EPB41L4A: variants seen among roughly 807,000 people sequenced by gnomAD.
The protein encoded by EPB41L4A is band 4.1-like protein 4A.
Under a neutral mutation model 108.6 loss-of-function variants are expected in EPB41L4A, and 100 were observed. The ratio of observed to expected loss-of-function variants is 0.92; its 90% CI spans 0.78 to 1.09. The LOEUF is 1.09. Ranked by LOEUF, EPB41L4A falls within the 50% of genes least tolerant of loss-of-function variation. EPB41L4A has a pLI of 0.00. For synonymous variants in EPB41L4A, 319 were observed against 289.0 expected (o/e 1.10, Z -1.05); for missense variants, 1,030 against 842.7 (o/e 1.22, Z -2.75).
intron 12 of EPB41L4A, among the ~76,000 whole-genome samples, chr5:112,213,728 AG>A (rs1390440791): frequency 3.3e-5 from 5 of 152,186 alleles, no homozygotes; most frequent in African/African-American, 1.2e-4. Flanking sequence ...AATGTGAACT[AG>A]ACAAGCCTGG....
chr5:112,212,280 C>A (rs1194621787), intron 12 of EPB41L4A, among the ~76,000 whole-genome samples: 1 of 150,258 alleles, frequency 6.7e-6, no homozygotes, highest in East Asian at 1.9e-4. Flanking sequence ...TGTGCCCTAC[C>A]ATTAGTTGTT....
At chr5:112,343,004 A>G (rs1272601450) in intron 1 of EPB41L4A, among the ~76,000 whole-genome samples, 1 of 152,206 alleles carries the variant, frequency 6.6e-6, no homozygotes, top group Non-Finnish European at 1.5e-5. Context: ...GAAAAGTGTC[A>G]TATTCAGAAT....
chr5:112,205,099 C>G (rs1441299545), intron 14 of EPB41L4A, among the ~76,000 whole-genome samples: 1 of 152,132 alleles, frequency 6.6e-6, no homozygotes, highest in Admixed American at 6.5e-5. Flanking sequence ...AAGTTTTTAA[C>G]CAAAACTATG....
At chr5:112,157,868 C>T (rs921673056), downstream of EPB41L4A, among the ~76,000 whole-genome samples, 4 of 152,208 alleles carry the variant, frequency 2.6e-5, no homozygotes, top group South Asian at 2.1e-4. Context: ...CACATTTGCA[C>T]TACCACTGTG....
intron 16 of EPB41L4A, among the ~76,000 whole-genome samples, chr5:112,195,166 G>A (rs1321521146): frequency 2.6e-5 from 4 of 152,044 alleles, no homozygotes; most frequent in Non-Finnish European, 4.4e-5. Flanking sequence ...GCCTAAAGAA[G>A]TGTAAAAGAA....
At chr5:112,148,800 C>A (rs1303392042) in intron 12 of EPB41L4A, among the ~76,000 whole-genome samples, 1 of 151,304 alleles carries the variant, frequency 6.6e-6, no homozygotes. Context: ...TTGTTTTTTC[C>A]AAATGGCAAA....
rs535846083 is a variant in EPB41L4A, at chr5:112,299,698, T to A, written c.204+7688A>T. On this transcript the variant is annotated intron_variant, in intron 2 of 22. Coordinates refer to ENST00000261486, the MANE Select transcript of EPB41L4A (RefSeq NM_022140.5). ...CATTTGTTCTGGAGTATAGCTTAAATCCATTGTTTCTTTGCTGACTTCCTA... is the reference window on the plus strand; with the variant it reads ...CATTTGTTCTGGAGTATAGCTTAAAACCATTGTTTCTTTGCTGACTTCCTA... 1.1e-4 allele frequency among the ~76,000 whole-genome samples: 17 copies of A among 152,304 alleles called. 1 individual carries two copies. The South Asian group carries it at 2.7e-3, about 24-fold the overall frequency.
intron 1 of EPB41L4A, among the ~76,000 whole-genome samples, chr5:112,412,702 A>G (rs1309813095): frequency 6.6e-6 from 1 of 152,170 alleles, no homozygotes; most frequent in African/African-American, 2.4e-5. Flanking sequence ...CCAAAGCAGG[A>G]TGACCAGGAG....
intron 1 of EPB41L4A, among the ~76,000 whole-genome samples, chr5:112,357,939 G>A (rs1758468781): frequency 6.6e-6 from 1 of 152,248 alleles, no homozygotes; most frequent in Admixed American, 6.5e-5. Context: ...TTACAAGGCT[G>A]TGGAGAAGTT....
chr5:112,395,706 G>C, intron 1 of EPB41L4A, among the ~76,000 whole-genome samples: 1 of 152,124 alleles, frequency 6.6e-6, no homozygotes, highest in Non-Finnish European at 1.5e-5. Flanking sequence ...AAGGAATCTA[G>C]AACTAGAAAT....
intron 2 of EPB41L4A, among the ~76,000 whole-genome samples, chr5:112,301,756 A>G (rs940153726): frequency 2.0e-5 from 3 of 152,188 alleles, no homozygotes; most frequent in African/African-American, 7.2e-5. Flanking sequence ...AATTATTAAA[A>G]TGCATAGTAT....
At chr5:112,265,969 T>C (rs969218470) in intron 5 of EPB41L4A, among the ~76,000 whole-genome samples, 43 of 152,116 alleles carry the variant, frequency 2.8e-4, no homozygotes, top group African/African-American at 9.9e-4. Context: ...ATAGAACAGA[T>C]TGTTAGACCC....
intron 18 of EPB41L4A, among the ~76,000 whole-genome samples, chr5:112,171,342 G>A (rs755235155): frequency 6.6e-6 from 1 of 152,028 alleles, no homozygotes. Flanking sequence ...GTAAGTAATG[G>A]TAAAAGAAGA....
intron 12 of EPB41L4A, 79 bp from the exon 13 acceptor site, chr5:112,210,061 A>C (rs1279112106): frequency 3.4e-6 from 3 of 871,906 alleles, no homozygotes; most frequent in African/African-American, 3.4e-5. Flanking sequence ...GACTTATTTT[A>C]AAATGCAATT....
chr5:112,230,451 T>C (rs940360868), intron 12 of EPB41L4A, among the ~76,000 whole-genome samples: 1 of 152,234 alleles, frequency 6.6e-6, no homozygotes, highest in Non-Finnish European at 1.5e-5. Flanking sequence ...TATCTCATTG[T>C]GGTTTTGATT....
chr5:112,188,573 A>AT (rs1761536560), intron 17 of EPB41L4A, among the ~76,000 whole-genome samples: 2 of 152,286 alleles, frequency 1.3e-5, no homozygotes, highest in East Asian at 1.9e-4. Flanking sequence ...TGGAAGCCCT[A>AT]AATCAACCAT....
intron 1 of EPB41L4A, among the ~76,000 whole-genome samples, chr5:112,400,477 G>C (rs960900549): frequency 6.6e-6 from 1 of 152,154 alleles, no homozygotes; most frequent in Non-Finnish European, 1.5e-5. Flanking sequence ...AGGCCTCAGA[G>C]AGCTTTTACT....
intron 4 of EPB41L4A, among the ~76,000 whole-genome samples, chr5:112,267,453 G>A (rs1002810742): frequency 6.6e-6 from 1 of 152,084 alleles, no homozygotes; most frequent in African/African-American, 2.4e-5. Context: ...AACTTTTATT[G>A]CAACCATATG....
At chr5:112,355,702 C>G (rs759483018) in intron 1 of EPB41L4A, among the ~76,000 whole-genome samples, 2 of 152,214 alleles carry the variant, frequency 1.3e-5, no homozygotes, top group Non-Finnish European at 2.9e-5. Flanking sequence ...ACTCCTTCAC[C>G]TCTTCTCCCT....
Sources: allele counts gnomAD v4.1 joint callset (sites outside exome capture counted in the v4.1 genomes callset), GRCh38; gene constraint gnomAD v4.1.1; transcripts MANE v1.5; gene names NCBI Gene and HGNC (gene_info 2026-07-23, HGNC 2026-07-21).